SMAD2: variants seen among roughly 807,000 people sequenced by gnomAD.
SMAD2 encodes SMAD family member 2, also known as MAD homolog 2.
A neutral mutation model predicts 64.4 loss-of-function variants in SMAD2; 8 were observed. That is an observed-to-expected ratio of 0.12 (90% CI 0.07 to 0.22). SMAD2 has a LOEUF of 0.22. Ranked by LOEUF, SMAD2 falls within the 10% of genes least tolerant of loss-of-function variation. The pLI is 1.00. For synonymous variants in SMAD2, 203 were observed against 195.8 expected (o/e 1.04, Z -0.31); for missense variants, 289 against 561.2 (o/e 0.51, Z 4.90).
chr18:47,908,018 C>A (rs564231656), intron 1 of SMAD2, among the ~76,000 whole-genome samples: 1 of 152,124 alleles, frequency 6.6e-6, no homozygotes, highest in Non-Finnish European at 1.5e-5. Flanking sequence ...TTAAAAGGTG[C>A]CTGGACAAAC....
chr18:47,927,233 C>A (rs2034802138), intron 1 of SMAD2, among the ~76,000 whole-genome samples: 1 of 152,200 alleles, frequency 6.6e-6, no homozygotes, highest in Non-Finnish European at 1.5e-5. Context: ...TTCTGAAAGA[C>A]TGGCCGTATC....
In SMAD2 at chr18:47,820,420, T is replaced by C. The variant is rs1912528020; in HGVS notation, c.*21407A>G. The C allele has an allele frequency of 6.6e-6, 1 of 152,294 alleles. No homozygotes were observed. Among genetic ancestry groups the C allele is most frequent in the Non-Finnish European group, 1.5e-5 (1 of 68,008 alleles). 9.4% of individuals were successfully genotyped at this position (152,294 alleles called of 1,614,324 possible). A position where few individuals can be genotyped will look rare whatever the true frequency, so the allele number is the denominator to read the frequency against. On this transcript the variant is annotated 3_prime_UTR_variant, in exon 11 of 11. Coordinates refer to ENST00000262160, the MANE Select transcript of SMAD2 (RefSeq NM_005901.6). ...TATAAGGCATAAAAATTGCTTTTTA[T>C]TGGGAAAAAAGTTGTTTAAATTCAG...
At chr18:47,846,716 A>G (rs1269122518) in intron 8 of SMAD2, among the ~76,000 whole-genome samples, 2 of 152,162 alleles carry the variant, frequency 1.3e-5, no homozygotes, top group Non-Finnish European at 2.9e-5. Flanking sequence ...GAGGACCTCA[A>G]GCTCCAGATA....
intron 2 of SMAD2, among the ~76,000 whole-genome samples, chr18:47,881,908 T>TG (rs2032614787): frequency 6.6e-6 from 1 of 152,122 alleles, no homozygotes; most frequent in African/African-American, 2.4e-5. Flanking sequence ...GACAGGGTCT[T>TG]GCTCTGTCAC....
rs1264765410 is a variant in SMAD2, at chr18:47,822,406, G to C, written c.*19421C>G. On this transcript the variant is annotated 3_prime_UTR_variant, in exon 11 of 11. Transcript: ENST00000262160. ...TACCAATGGACTAAATATTTTTTCA[G>C]AACTTCAAGAAACTGATGAGTCCAT... 1 of 152,112 alleles carries C rather than the reference G, an allele frequency of 6.6e-6. No individual in the cohort carries two copies. Among genetic ancestry groups the C allele is most frequent in the Non-Finnish European group, 1.5e-5 (1 of 68,008 alleles). The allele number at this position is 152,112 out of a possible 1,614,324, so 9.4% of individuals were successfully genotyped here. A position where few individuals can be genotyped will look rare whatever the true frequency, so the allele number is the denominator to read the frequency against.
At position 47,865,065 on chromosome 18, in the gene SMAD2, C is replaced by T; in HGVS notation, c.724G>A (p.Asp242Asn). The change falls in exon 6 of 11, where the codon GAC becomes AAC. Residue 242 changes from aspartate to asparagine, a missense_variant. This residue lies in a region of SMAD2 where 119 missense variants were observed against 156.7 expected (regional missense o/e 0.76). Coordinates refer to ENST00000262160, the MANE Select transcript of SMAD2 (RefSeq NM_005901.6). ...TCAAAGACATTTTTTTTACCTGTGT[C>T]CATACTTTGATTCAACTGTTGGTCA... ...TSDQQLNQSM[D>N]TGSPAELSPT... is the part of the protein sequence containing the mutation. 1 of 1,585,564 alleles carries T rather than the reference C, an allele frequency of 6.3e-7. No individual in the cohort carries two copies. Among genetic ancestry groups the T allele is most frequent in the Non-Finnish European group, 8.7e-7 (1 of 1,154,618 alleles).
intron 1 of SMAD2, among the ~76,000 whole-genome samples, chr18:47,897,291 A>G (rs1325721547): frequency 6.6e-6 from 1 of 152,248 alleles, no homozygotes; most frequent in African/African-American, 2.4e-5. Flanking sequence ...TAAAGTGTGA[A>G]GTAATCAAGA....
intron 5 of SMAD2, 148 bp downstream of exon 5, chr18:47,868,175 C>T (rs2031701891): frequency 7.1e-6 from 5 of 706,168 alleles, no homozygotes; most frequent in Non-Finnish European, 1.2e-5. Context: ...ATACATTTCA[C>T]AAAATAATCA....
At chr18:47,890,825 C>G (rs1381091624) in intron 2 of SMAD2, among the ~76,000 whole-genome samples, 1 of 152,152 alleles carries the variant, frequency 6.6e-6, no homozygotes, top group Non-Finnish European at 1.5e-5. Context: ...AAAGCAGTTG[C>G]TTAAGAATGG....
rs1453241976 is a variant in SMAD2, at chr18:47,829,977, T to C, written c.*11850A>G. The C allele has an allele frequency of 6.6e-6, 1 of 152,174 alleles. No homozygotes were observed. The highest frequency in any genetic ancestry group is 1.5e-5 in the Non-Finnish European group (1 of 68,024). The allele number at this position is 152,174 out of a possible 1,614,324, so 9.4% of individuals were successfully genotyped here. A position where few individuals can be genotyped will look rare whatever the true frequency, so the allele number is the denominator to read the frequency against. On this transcript the variant is annotated 3_prime_UTR_variant, in exon 11 of 11. Transcript: ENST00000262160. Reference sequence around the variant, plus strand: ...AGTCTAAGTAACTTGCAGCAGCAAATTCCCCCACTGACAACTTCAAAGCAT... The same window carrying C: ...AGTCTAAGTAACTTGCAGCAGCAAACTCCCCCACTGACAACTTCAAAGCAT...
chr18:47,814,201 A>T lies in SMAD2; in HGVS notation c.*27626T>A, dbSNP rs537438509. 3 of 152,174 alleles carry T rather than the reference A, an allele frequency of 2.0e-5. No individual in the cohort carries two copies. The highest frequency in any genetic ancestry group is 4.8e-5 in the African/African-American group (2 of 41,434). The allele number at this position is 152,174 out of a possible 1,614,324, so 9.4% of individuals were successfully genotyped here. ...TATATGCCCCCCTGCTGTCTTTCCAATAAAGGTAAGCCCTGAAGCCTGACA... is the reference window on the plus strand; with the variant it reads ...TATATGCCCCCCTGCTGTCTTTCCATTAAAGGTAAGCCCTGAAGCCTGACA... On this transcript the variant is annotated 3_prime_UTR_variant, in exon 11 of 11. Transcript: ENST00000262160.
At chr18:47,918,091 T>A (rs1001687749) in intron 1 of SMAD2, among the ~76,000 whole-genome samples, 6 of 152,098 alleles carry the variant, frequency 3.9e-5, no homozygotes, top group African/African-American at 1.2e-4. Context: ...GGGGAAGGAA[T>A]AATAGGTAGC....
rs376453416 is a variant in SMAD2, at chr18:47,913,173, G to A, written c.-53-16364C>T. ...TGACCTCAGATGATCCATCCGCCTC[G>A]GCCTCCCAAAGCACAGGGATTACAG... On this transcript the variant is annotated intron_variant, in intron 1 of 10. Transcript: ENST00000262160. Among the ~76,000 whole-genome samples, 295 of 152,210 alleles carry A rather than the reference G, an allele frequency of 1.9e-3. 1 individual carries two copies. Among genetic ancestry groups the A allele is most frequent in the African/African-American group, 5.4e-3 (226 of 41,538 alleles).
chr18:47,816,167 C>T lies in SMAD2; in HGVS notation c.*25660G>A, dbSNP rs976502490. On this transcript the variant is annotated 3_prime_UTR_variant, in exon 11 of 11. Coordinates refer to ENST00000262160, the MANE Select transcript of SMAD2 (RefSeq NM_005901.6). ...CCCATGCCACATTTAGTCAAGACAA[C>T]AATAACAAAAGGCTTTCTTCAGGGA... The T allele has an allele frequency of 6.6e-6, 1 of 152,080 alleles. No homozygotes were observed. The highest frequency in any genetic ancestry group is 1.5e-5 in the Non-Finnish European group (1 of 68,010). 9.4% of individuals were successfully genotyped at this position (152,080 alleles called of 1,614,324 possible).
chr18:47,889,092 C>T (rs1403128689), intron 2 of SMAD2, among the ~76,000 whole-genome samples: 4 of 151,712 alleles, frequency 2.6e-5, no homozygotes, highest in Non-Finnish European at 5.9e-5. Context: ...CAGAAAATAT[C>T]TAAATTGAAA....
chr18:47,881,079 T>C (rs917495800), intron 2 of SMAD2, among the ~76,000 whole-genome samples: 15 of 107,410 alleles, frequency 1.4e-4, no homozygotes, highest in African/African-American at 4.5e-4. Flanking sequence ...ACAAAAGCTG[T>C]AAAACAGAAA....
At chr18:47,916,110 A>G (rs2034325102) in intron 1 of SMAD2, among the ~76,000 whole-genome samples, 1 of 152,194 alleles carries the variant, frequency 6.6e-6, no homozygotes, top group South Asian at 2.1e-4. Flanking sequence ...CATTCCTGAG[A>G]CAAACCCTAA....
chr18:47,899,127 A>G (rs1409747960), intron 1 of SMAD2, among the ~76,000 whole-genome samples: 3 of 152,188 alleles, frequency 2.0e-5, no homozygotes, highest in African/African-American at 7.2e-5. Context: ...CATAGAAGGA[A>G]CAGAGTTGAT....
rs1913317488 is a variant in SMAD2, at chr18:47,835,328, C to T, written c.*6499G>A. 9.8e-6 allele frequency: 2 copies of T among 204,504 alleles called. No homozygotes were observed. Among genetic ancestry groups the T allele is most frequent in the African/African-American group, 2.3e-5 (1 of 43,742 alleles). 12.7% of individuals were successfully genotyped at this position (204,504 alleles called of 1,614,324 possible). ...CTTGTCATGTGTGAATTATTTCTCA[C>T]AATTTTAATTAATCTGTGTGTATAT... On this transcript the variant is annotated 3_prime_UTR_variant, in exon 11 of 11. Coordinates refer to ENST00000262160, the MANE Select transcript of SMAD2 (RefSeq NM_005901.6).
Sources: gnomAD v4.1 joint callset for allele counts (sites outside exome capture counted in the v4.1 genomes callset) on GRCh38, gnomAD v4.1.1 for gene constraint, gnomAD v4.1.1 regional missense constraint, MANE v1.5 for transcripts, NCBI Gene and HGNC (gene_info 2026-07-23, HGNC 2026-07-21) for gene names.